Variants in PALB2 observed in about 807,000 individuals in gnomAD.
The protein encoded by PALB2 is partner and localizer of BRCA2.
Under a neutral mutation model 107.4 loss-of-function variants are expected in PALB2, and 82 were observed. The observed-to-expected ratio is 0.76, with a 90% CI of 0.64 to 0.92. The LOEUF (loss-of-function observed/expected upper bound fraction) is 0.92. Among genes scored for constraint, PALB2 ranks in the 40% least tolerant of loss-of-function variants. The probability of loss-of-function intolerance (pLI) is 0.00; values close to 1 mark genes in which losing one functional copy is unlikely to be tolerated. For synonymous variants in PALB2, 489 were observed against 496.8 expected (o/e 0.98, Z 0.21); for missense variants, 1,374 against 1,379.9 (o/e 1.00, Z 0.07).
In PALB2 at chr16:23,635,083, C is replaced by A. The variant is rs767926590; in HGVS notation, c.1463G>T (p.Ser488Ile). The A allele has an allele frequency of 4.3e-6, 7 of 1,614,034 alleles. No homozygotes were observed. In the African/African-American group the frequency reaches 8.0e-5, roughly 18 times the overall value. Residue 488 changes from serine to isoleucine, a missense_variant, in exon 4 of 13, where the codon AGC becomes ATC. Physicochemically the swap from Ser to Ile is moderately radical, Grantham distance 142. Coordinates refer to ENST00000261584, the MANE Select transcript of PALB2 (RefSeq NM_024675.4). ...ATCTTCAGTGGGCCCAGCGGGAGAG[C>A]TGACTTTAGTTAATGAGAGAAGTTT... The part of the protein sequence containing the change: ...SQKLLSLTKV[S>I]SPAGPTEDND...
At chr16:23,621,213 A>T in intron 10 of PALB2, 149 bp downstream of exon 10, 1 of 682,504 alleles carries the variant, frequency 1.5e-6, no homozygotes, top group Non-Finnish European at 2.6e-6. Flanking sequence ...CTGTCTCAAA[A>T]CACAACAAAA....
intron 1 of PALB2, chr16:23,640,726 C>T (rs1441412678): frequency 7.4e-6 from 2 of 270,402 alleles, no homozygotes; most frequent in East Asian, 1.1e-4. Flanking sequence ...TAGGGATACG[C>T]CCCTCCTCCA....
rs367842489 is a variant in PALB2, at chr16:23,635,787, T to A, written c.759A>T (p.Leu253=). ...TRATTVPLQT[L]SDSGSSQHLE... is the part of the protein sequence containing the mutation. ...GGTGCTGACTACTACCGCTATCTGA[T>A]AGAGTCTGTAAAGGAACTGTAGTCG... Residue 253 remains leucine (L), a synonymous_variant, in exon 4 of 13, where the codon CTA becomes CTT. Transcript: ENST00000261584. 1 of 1,614,180 alleles carries A rather than the reference T, an allele frequency of 6.2e-7. No individual in the cohort carries two copies. Among genetic ancestry groups the A allele is most frequent in the Non-Finnish European group, 8.5e-7 (1 of 1,180,004 alleles).
Position 23,640,915 on chromosome 16 carries a change from T to C in PALB2, c.48+195A>G, listed in dbSNP as rs141315496. On this transcript the variant is annotated intron_variant, in intron 1 of 12. Transcript: ENST00000261584. ...TTAATGCGCTGCTACTGTAATGAAATTTGTTCTTTAAACGCCACCACGTGA... is the reference window on the plus strand; with the variant it reads ...TTAATGCGCTGCTACTGTAATGAAACTTGTTCTTTAAACGCCACCACGTGA... The C allele has an allele frequency of 2.1e-3, 1,325 of 630,894 alleles. 9 individuals are homozygous for C. Among genetic ancestry groups the C allele is most frequent in the Middle Eastern group, 0.011 (29 of 2,550 alleles). 39.1% of individuals were successfully genotyped at this position (630,894 alleles called of 1,614,324 possible). A position where few individuals can be genotyped will look rare whatever the true frequency, so the allele number is the denominator to read the frequency against.
intron 12 of PALB2, 65 bp from the exon 13 acceptor site, chr16:23,603,734 AAG>A: frequency 2.7e-6 from 4 of 1,462,956 alleles, no homozygotes; most frequent in Non-Finnish European, 3.7e-6. Flanking sequence ...AAAAAAAAAA[AAG>A]GTCAAAACCA....
intron 10 of PALB2, among the ~76,000 whole-genome samples, chr16:23,615,944 G>A (rs897274784): frequency 5.3e-5 from 8 of 152,168 alleles, no homozygotes; most frequent in South Asian, 4.1e-4. Flanking sequence ...AATTACAGGC[G>A]TGAGCCACCG....
chr16:23,625,311 C>A (rs779423301), intron 7 of PALB2, among the ~76,000 whole-genome samples: 1 of 150,798 alleles, frequency 6.6e-6, no homozygotes, highest in Non-Finnish European at 1.5e-5. Flanking sequence ...CCAGCCTGGG[C>A]AACAGAGTAT....
In PALB2 at chr16:23,641,285, T is replaced by G. The variant is rs539371156; in HGVS notation, c.-128A>C. On this transcript the variant is annotated 5_prime_UTR_variant, in exon 1 of 13. Coordinates refer to ENST00000261584, the MANE Select transcript of PALB2 (RefSeq NM_024675.4). ...GGGGAGCCCGGGATCGCACCCTCAG[T>G]GCGCGATCAGCTGACCCACGCGGGC... 9 of 1,267,670 alleles carry G rather than the reference T, an allele frequency of 7.1e-6. No homozygotes were observed. The highest frequency in any genetic ancestry group is 1.0e-5 in the Non-Finnish European group (9 of 900,200). 78.5% of individuals were successfully genotyped at this position (1,267,670 alleles called of 1,614,324 possible). A position where few individuals can be genotyped will look rare whatever the true frequency, so the allele number is the denominator to read the frequency against.
chr16:23,612,772 A>G (rs1299371679), intron 11 of PALB2, among the ~76,000 whole-genome samples: 1 of 150,348 alleles, frequency 6.7e-6, no homozygotes, highest in Non-Finnish European at 1.5e-5. Flanking sequence ...TTGTTTTTTG[A>G]GACGGAGTCT....
rs780026905 is a variant in PALB2, at chr16:23,635,148, A to C, written c.1398T>G (p.Ser466=). 5 of 1,614,120 alleles carry C rather than the reference A, an allele frequency of 3.1e-6. No individual in the cohort carries two copies. In the African/African-American group the frequency reaches 6.7e-5, roughly 22 times the overall value. ...AACTTGGTTGTCCTGTGCATGTGCC[A>C]GACATCCTAATTTCACTTTGGTCAG... ...EETDQSEIRM[S]GTCTGQPSSR... Residue 466 remains serine (S), a synonymous_variant, in exon 4 of 13, where the codon TCT becomes TCG. Transcript: ENST00000261584.
At position 23,635,900 on chromosome 16, in the gene PALB2, T is replaced by C; in HGVS notation, c.646A>G (p.Ile216Val). The change falls in exon 4 of 13, where the codon ATT becomes GTT. Residue 216 changes from isoleucine (I) to valine (V), a missense_variant. Physicochemically the swap from Ile to Val is conservative, Grantham distance 29 (BLOSUM62 3). Transcript: ENST00000261584. ...GGAATTAATACACTGTCTTCATTAA[T>C]TTCTGTAACTGGTTCTGGAGAATCT... ...LPDSPEPVTE[I>V]NEDSVLIPPT... 1.9e-6 allele frequency: 3 copies of C among 1,614,184 alleles called. No individual in the cohort carries two copies. Among genetic ancestry groups the C allele is most frequent in the South Asian group, 2.2e-5 (2 of 91,086 alleles).
intron 10 of PALB2, among the ~76,000 whole-genome samples, chr16:23,614,647 T>TA (rs1966648315): frequency 1.5e-5 from 2 of 137,644 alleles, no homozygotes; most frequent in African/African-American, 5.4e-5. Context: ...CTTCCCAGCT[T>TA]TTTTTTTTTT....
chr16:23,638,699 C>A, intron 1 of PALB2: 1 of 355,328 alleles, frequency 2.8e-6, no homozygotes, highest in South Asian at 2.1e-5. Context: ...AGAAAACAAA[C>A]AGAAATGATT....
In PALB2 at chr16:23,610,311, T is replaced by C. The variant is rs77336563; in HGVS notation, c.3202-2299A>G. On this transcript the variant is annotated intron_variant, in intron 11 of 12. Transcript: ENST00000261584. ...AAATAAATAATACAATGTTATTTCTTTTTTTTTTTTTTTTTTGAGACAGAG... is the reference window on the plus strand; with the variant it reads ...AAATAAATAATACAATGTTATTTCTCTTTTTTTTTTTTTTTTGAGACAGAG... 2.2e-5 allele frequency among the ~76,000 whole-genome samples: 3 copies of C among 136,298 alleles called. No individual in the cohort carries two copies. In the East Asian group the frequency reaches 7.0e-4, roughly 32 times the overall value. The allele number at this position is 136,298 out of a possible 152,430, so 89.4% of individuals were successfully genotyped here.
rs868258231 is a variant in PALB2 at position 23,603,610 on chromosome 16, A to G, written c.3410T>C (p.Ile1137Thr). ...ACCGAGAAGTAAGTCCCAAATGGCA[A>G]TTGTTCCAGAAGTCAAGATTGCTGC... ...CAAAILTSGT[I>T]AIWDLLLGQC... The change falls in exon 13 of 13, where the codon ATT becomes ACT. Residue 1137 changes from isoleucine (I) to threonine (T), a missense_variant. Physicochemically the swap from Ile to Thr is moderately conservative, Grantham distance 89 (BLOSUM62 -1). Coordinates refer to ENST00000261584, the MANE Select transcript of PALB2 (RefSeq NM_024675.4). The G allele has an allele frequency of 1.2e-5, 19 of 1,614,186 alleles. No individual in the cohort carries two copies. In the Middle Eastern group the frequency reaches 1.8e-3, roughly 154 times the overall value.
At chr16:23,605,248 C>T (rs1213092613) in intron 12 of PALB2, among the ~76,000 whole-genome samples, 4 of 152,146 alleles carry the variant, frequency 2.6e-5, no homozygotes, top group Admixed American at 6.6e-5. Flanking sequence ...CTAAGGTTTT[C>T]TTTGACAGTC....
At chr16:23,639,997 TGCATCA>T (rs1967177638) in intron 1 of PALB2, among the ~76,000 whole-genome samples, 1 of 152,006 alleles carries the variant, frequency 6.6e-6, no homozygotes, top group Non-Finnish European at 1.5e-5. Flanking sequence ...GCGATTCTCG[TGCATCA>T]GCCTCTGAGG....
At chr16:23,620,434 G>C (rs527354250) in intron 10 of PALB2, among the ~76,000 whole-genome samples, 2 of 152,314 alleles carry the variant, frequency 1.3e-5, no homozygotes, top group African/African-American at 2.4e-5. Context: ...CCAGTGAGCA[G>C]AGTGGGCCTT....
chr16:23,613,039 CA>C (rs1966615828), intron 11 of PALB2, among the ~76,000 whole-genome samples: 1 of 150,416 alleles, frequency 6.6e-6, no homozygotes, highest in Non-Finnish European at 1.5e-5. Flanking sequence ...TTTATTAATA[CA>C]AAATATTTTA....
Sources: allele counts gnomAD v4.1 joint callset (sites outside exome capture counted in the v4.1 genomes callset), GRCh38; gene constraint gnomAD v4.1.1; transcripts MANE v1.5; gene names NCBI Gene and HGNC (gene_info 2026-07-23, HGNC 2026-07-21).